AP5B1: variants seen among roughly 807,000 people sequenced by gnomAD.
AP5B1 encodes adaptor related protein complex 5 subunit beta 1.
AP5B1 carries 3 observed loss-of-function variants against 5.7 expected under a neutral mutation model. That is an observed-to-expected ratio of 0.53 (90% confidence interval 0.24 to 1.36). The LOEUF (loss-of-function observed/expected upper bound fraction) is 1.36, where lower values mean the gene tolerates loss of function less well. Ranked by LOEUF, AP5B1 falls within the 40% of genes most tolerant of loss-of-function variation. AP5B1 has a pLI of 0.17. For synonymous variants in AP5B1, 696 were observed against 555.5 expected, an observed-to-expected ratio of 1.25 and a Z score of -3.56; for missense variants, 1,310 against 1,143.2, an observed-to-expected ratio of 1.15 and a Z score of -2.10.
In AP5B1 at chr11:65,776,330, C is replaced by T. The variant is rs1438872997; in HGVS notation, c.*1526G>A. 6.6e-6 allele frequency: 1 copy of T among 152,210 alleles called. No homozygotes were observed. The highest frequency in any genetic ancestry group is 1.5e-5 in the Non-Finnish European group (1 of 68,066). 9.4% of individuals were successfully genotyped at this position (152,210 alleles called of 1,614,324 possible). On this transcript the variant is annotated 3_prime_UTR_variant, in exon 2 of 2. Coordinates refer to ENST00000532090, the MANE Select transcript of AP5B1 (RefSeq NM_138368.5). ...CAGAGACGGTTGGGACCTCTGTGGC[C>T]CTGGCTGAGGTCTGCTCTGATGGCA...
Position 65,779,590 on chromosome 11 carries a change from C to T in AP5B1, c.903G>A (p.Gln301=). 2 of 1,606,870 alleles carry T rather than the reference C, an allele frequency of 1.2e-6. No individual in the cohort carries two copies. The highest frequency in any genetic ancestry group is 2.2e-5 in the East Asian group (1 of 44,762). ...WLLGWALRGL[Q]GQPPALFKPQ... ...GCTTGAAGAGTGCCGGTGGCTGTCC[C>T]TGCAGACCCCGCAGGGCCCAGCCCA... is the stretch of plus-strand genomic sequence containing the variant. Residue 301 remains glutamine, a synonymous_variant, in exon 2 of 2, where the codon CAG becomes CAA. Transcript: ENST00000532090.
Position 65,780,963 on chromosome 11 carries a change from G to A in AP5B1, c.-372C>T, listed in dbSNP as rs1331437852. Reference sequence around the variant, plus strand: ...CCGCCGCGGGCACTCAGGCCGGCCGGCTCCTTCCGGGCTGGCGGCGCGGGG... The same window carrying A: ...CCGCCGCGGGCACTCAGGCCGGCCGACTCCTTCCGGGCTGGCGGCGCGGGG... On this transcript the variant is annotated 5_prime_UTR_variant, in exon 1 of 2. Transcript: ENST00000532090. 6.7e-6 allele frequency among the ~76,000 whole-genome samples: 1 copy of A among 148,986 alleles called. No individual in the cohort carries two copies. The highest frequency in any genetic ancestry group is 1.5e-5 in the Non-Finnish European group (1 of 66,878).
In AP5B1 at chr11:65,774,030, T is replaced by A. The variant is rs112466974; in HGVS notation, c.*3826A>T. ...ACAATTTGGTATCTTATTGCCACAG[T>A]GTCTGTTCTGTCCATCTCATGATCC... On this transcript the variant is annotated 3_prime_UTR_variant, in exon 2 of 2. Coordinates refer to ENST00000532090, the MANE Select transcript of AP5B1 (RefSeq NM_138368.5). Among the ~76,000 whole-genome samples the A allele has an allele frequency of 0.014, 2,105 of 152,262 alleles. 39 individuals carry two copies. Among genetic ancestry groups the A allele is most frequent in the African/African-American group, 0.048 (2,006 of 41,528 alleles).
chr11:65,780,405 C>A, intron 1 of AP5B1, 37 bp downstream of exon 1: 2 of 1,468,944 alleles, frequency 1.4e-6, no homozygotes, highest in Non-Finnish European at 1.8e-6. Context: ...GCTGGGGTGA[C>A]CCTGCGGAAC....
At position 65,780,444 on chromosome 11, in the gene AP5B1, T is replaced by C; in HGVS notation, c.148A>G (p.Lys50Glu). 1.1e-5 allele frequency: 17 copies of C among 1,514,004 alleles called. No individual in the cohort carries two copies. Among genetic ancestry groups the C allele is most frequent in the Non-Finnish European group, 1.5e-5 (17 of 1,137,508 alleles). The allele number at this position is 1,514,004 out of a possible 1,614,324, so 93.8% of individuals were successfully genotyped here. ...GCAGGGGACGCGTGGGGGCCTACCT[T>C]GGTCTGTTCGCTCAGCTTCTCACTT... ...LRSEKLSEQT[K>E]VSLLALSMEY... The change falls in exon 1 of 2, where the codon AAG (lysine) becomes GAG (glutamate). Residue 50 changes from lysine to glutamate, a missense_variant and splice_region_variant. Transcript: ENST00000532090.
At position 65,778,197 on chromosome 11, in the gene AP5B1, G is replaced by T. The variant is rs372132493; in HGVS notation, c.2296C>A (p.Leu766Ile). ...GGAGGCTGCGGGAAAGGCAGAAAGAGGTCGGCAAAGTTCACGAACAGGGGT... is the reference window on the plus strand; with the variant it reads ...GGAGGCTGCGGGAAAGGCAGAAAGATGTCGGCAAAGTTCACGAACAGGGGT... ...LPPLFVNFAD[L>I]FLPFPQPPEG... The change falls in exon 2 of 2, where the codon CTC (leucine) becomes ATC (isoleucine). Residue 766 changes from leucine (L) to isoleucine (I), a missense_variant. By Grantham distance (5) the Leu-to-Ile change is conservative. Coordinates refer to ENST00000532090, the MANE Select transcript of AP5B1 (RefSeq NM_138368.5). 5.0e-6 allele frequency: 8 copies of T among 1,613,190 alleles called. No homozygotes were observed. The African/African-American group carries it at 1.1e-4, about 22-fold the overall frequency.
In AP5B1 at chr11:65,779,220, C is replaced by A; in HGVS notation, c.1273G>T (p.Glu425Ter). The A allele has an allele frequency of 6.2e-7, 1 of 1,601,900 alleles. No individual in the cohort carries two copies. The highest frequency in any genetic ancestry group is 2.2e-5 in the East Asian group (1 of 44,780). Reference protein sequence around the residue: ...RLHLLCLLCAEEEEEEKGQLP... With the variant: ...RLHLLCLLCA ...TGGCCTTTCTCCTCTTCTTCCTCCT[C>A]GGCACAGAGCAGGCACAGTAAATGC... Residue 425 changes from glutamate to a stop codon, truncating the protein, a stop_gained, in exon 2 of 2, where the codon GAG becomes TAG. Coordinates refer to ENST00000532090, the MANE Select transcript of AP5B1 (RefSeq NM_138368.5). LOFTEE classifies it low-confidence loss of function (END_TRUNC).
rs1857809661 is a variant in AP5B1 at position 65,779,210 on chromosome 11, T to C, written c.1283A>G (p.Glu428Gly). Residue 428 changes from glutamate to glycine, a missense_variant, in exon 2 of 2, where the codon GAA (glutamate) becomes GGA (glycine). Physicochemically the swap from Glu to Gly is moderately conservative, Grantham distance 98. Transcript: ENST00000532090. ...GCTTGGAAGCTGGCCTTTCTCCTCT[T>C]CTTCCTCCTCGGCACAGAGCAGGCA... The part of the protein sequence containing the change: ...LLCLLCAEEE[E>G]EEKGQLPSPR... The C allele has an allele frequency of 3.7e-6, 6 of 1,605,222 alleles. No homozygotes were observed. The highest frequency in any genetic ancestry group is 5.1e-6 in the Non-Finnish European group (6 of 1,175,730).
rs188346127 is a variant in AP5B1, at chr11:65,774,188, G to A, written c.*3668C>T. On this transcript the variant is annotated 3_prime_UTR_variant, in exon 2 of 2. Coordinates refer to ENST00000532090, the MANE Select transcript of AP5B1 (RefSeq NM_138368.5). ...TTTTTTCTGAGATTCCCTCGGCCAC[G>A]AGGTGGCATCTGTTCAGTCGGTGGG... Among the ~76,000 whole-genome samples the A allele has an allele frequency of 4.0e-4, 61 of 152,326 alleles. No homozygotes were observed. In the East Asian group the frequency reaches 9.2e-3, roughly 23 times the overall value.
chr11:65,778,187 G>C lies in AP5B1; in HGVS notation c.2306C>G (p.Pro769Arg), dbSNP rs370926369. Residue 769 changes from proline to arginine, a missense_variant, in exon 2 of 2, where the codon CCT (proline) becomes CGT (arginine). Coordinates refer to ENST00000532090, the MANE Select transcript of AP5B1 (RefSeq NM_138368.5). Reference sequence around the variant, plus strand: ...GGCCCCCTCTGGAGGCTGCGGGAAAGGCAGAAAGAGGTCGGCAAAGTTCAC... The same window carrying C: ...GGCCCCCTCTGGAGGCTGCGGGAAACGCAGAAAGAGGTCGGCAAAGTTCAC... ...LFVNFADLFL[P>R]FPQPPEGAGL... 1 of 1,613,220 alleles carries C rather than the reference G, an allele frequency of 6.2e-7. No individual in the cohort carries two copies. The highest frequency in any genetic ancestry group is 1.3e-5 in the African/African-American group (1 of 75,074).
rs561424677 is a variant in AP5B1 at position 65,775,639 on chromosome 11, C to A, written c.*2217G>T. Among the ~76,000 whole-genome samples the A allele has an allele frequency of 1.3e-5, 2 of 152,178 alleles. No individual in the cohort carries two copies. The highest frequency in any genetic ancestry group is 4.8e-5 in the African/African-American group (2 of 41,424). The stretch of plus-strand genomic sequence containing the variant: ...ACAGGGGATGGCAGGCAGGACAGTA[C>A]GTTCTGATCCCAGCTCCAGTGGGAG... On this transcript the variant is annotated 3_prime_UTR_variant, in exon 2 of 2. Coordinates refer to ENST00000532090, the MANE Select transcript of AP5B1 (RefSeq NM_138368.5).
rs372028180 is a variant in AP5B1, at chr11:65,778,294, C to T, written c.2199G>A (p.Pro733=). Residue 733 remains proline (P), a synonymous_variant, in exon 2 of 2, where the codon CCG becomes CCA. Transcript: ENST00000532090. ...CATGGACATCCAGCCGTGCGGGGGC[C>T]GGGCATCGGGGCTGCAGAGGCAGGA... ...PLLLPLQPRC[P]APARLDVHAL... 28 of 1,612,838 alleles carry T rather than the reference C, an allele frequency of 1.7e-5. No individual in the cohort carries two copies. The highest frequency in any genetic ancestry group is 6.7e-5 in the African/African-American group (5 of 74,928).
In AP5B1 at chr11:65,778,162, G is replaced by T; in HGVS notation, c.2331C>A (p.Ala777=). The change falls in exon 2 of 2, where the codon GCC becomes GCA. Residue 777 remains alanine (A), a synonymous_variant. Coordinates refer to ENST00000532090, the MANE Select transcript of AP5B1 (RefSeq NM_138368.5). The part of the protein sequence containing the change: ...FLPFPQPPEG[A]GLGFFEELWD... ...AGAGCTCCTCAAAGAAGCCCAGCCCGGCCCCCTCTGGAGGCTGCGGGAAAG... is the reference window on the plus strand; with the variant it reads ...AGAGCTCCTCAAAGAAGCCCAGCCCTGCCCCCTCTGGAGGCTGCGGGAAAG... 6.2e-7 allele frequency: 1 copy of T among 1,612,966 alleles called. No homozygotes were observed. Among genetic ancestry groups the T allele is most frequent in the Non-Finnish European group, 8.5e-7 (1 of 1,179,884 alleles).
At position 65,777,481 on chromosome 11, in the gene AP5B1, G is replaced by A. The variant is rs564625613; in HGVS notation, c.*375C>T. On this transcript the variant is annotated 3_prime_UTR_variant, in exon 2 of 2. Transcript: ENST00000532090. ...GGCCACGAGGGCTCTGCCCTCCTGC[G>A]TGGACTCAGGCCGTTATCTTGGGAG... 1.1e-4 allele frequency: 24 copies of A among 215,804 alleles called. No homozygotes were observed. The highest frequency in any genetic ancestry group is 3.0e-4 in the African/African-American group (13 of 43,698). 13.4% of individuals were successfully genotyped at this position (215,804 alleles called of 1,614,324 possible).
rs1290003911 is a variant in AP5B1 at position 65,779,213 on chromosome 11, T to C, written c.1280A>G (p.Glu427Gly). ...TGGAAGCTGGCCTTTCTCCTCTTCT[T>C]CCTCCTCGGCACAGAGCAGGCACAG... ...HLLCLLCAEE[E>G]EEEKGQLPSP... is the part of the protein sequence containing the mutation. The change falls in exon 2 of 2, where the codon GAA (glutamate) becomes GGA (glycine). Residue 427 changes from glutamate (E) to glycine (G), a missense_variant. Coordinates refer to ENST00000532090, the MANE Select transcript of AP5B1 (RefSeq NM_138368.5). 1 of 1,604,634 alleles carries C rather than the reference T, an allele frequency of 6.2e-7. No individual in the cohort carries two copies. The highest frequency in any genetic ancestry group is 8.5e-7 in the Non-Finnish European group (1 of 1,175,436).
In AP5B1 at chr11:65,774,012, G is replaced by A. The variant is rs1857737088; in HGVS notation, c.*3844C>T. On this transcript the variant is annotated 3_prime_UTR_variant, in exon 2 of 2. Transcript: ENST00000532090. ...TGGCCTTAGGTCCTGTTTACAATTT[G>A]GTATCTTATTGCCACAGTGTCTGTT... 6.6e-6 allele frequency among the ~76,000 whole-genome samples: 1 copy of A among 152,088 alleles called. No homozygotes were observed. Among genetic ancestry groups the A allele is most frequent in the Admixed American group, 6.5e-5 (1 of 15,268 alleles).
rs138500025 is a variant in AP5B1 at position 65,775,801 on chromosome 11, C to T, written c.*2055G>A. 4 of 152,298 alleles carry T rather than the reference C, an allele frequency of 2.6e-5. No individual in the cohort carries two copies. Among genetic ancestry groups the T allele is most frequent in the African/African-American group, 9.6e-5 (4 of 41,546 alleles). 9.4% of individuals were successfully genotyped at this position (152,298 alleles called of 1,614,324 possible). ...CCTTCCTGATTTGGAAATGACTTGC[C>T]GAGGTGACAAAGCAAGTTATTGCCA... On this transcript the variant is annotated 3_prime_UTR_variant, in exon 2 of 2. Transcript: ENST00000532090.
Position 65,777,832 on chromosome 11 carries a change from T to C in AP5B1, c.*24A>G. ...TTGGCCCCCACAAGGGCCACAGTCCTGCCCCCACCTGGTCTCCCGGGGCTC... is the reference window on the plus strand; with the variant it reads ...TTGGCCCCCACAAGGGCCACAGTCCCGCCCCCACCTGGTCTCCCGGGGCTC... On this transcript the variant is annotated 3_prime_UTR_variant, in exon 2 of 2. Coordinates refer to ENST00000532090, the MANE Select transcript of AP5B1 (RefSeq NM_138368.5). The C allele has an allele frequency of 6.7e-7, 1 of 1,497,768 alleles. No individual in the cohort carries two copies. 92.8% of individuals were successfully genotyped at this position (1,497,768 alleles called of 1,614,324 possible).
In AP5B1 at chr11:65,778,141, C is replaced by T. The variant is rs1268305505; in HGVS notation, c.2352G>A (p.Glu784=). The change falls in exon 2 of 2, where the codon GAG becomes GAA. Residue 784 remains glutamate (E), a synonymous_variant. Transcript: ENST00000532090. ...PEGAGLGFFE[E]LWDSCLPEGA... ...CCTCTGGCAGGCAGGAATCCCAGAG[C>T]TCCTCAAAGAAGCCCAGCCCGGCCC... 2 of 1,612,884 alleles carry T rather than the reference C, an allele frequency of 1.2e-6. No individual in the cohort carries two copies.
Sources: allele counts gnomAD v4.1 joint callset (sites outside exome capture counted in the v4.1 genomes callset), GRCh38; gene constraint gnomAD v4.1.1; transcripts MANE v1.5; gene names NCBI Gene and HGNC (gene_info 2026-07-23, HGNC 2026-07-21).